The following PHF21A variants were observed in gnomAD, a reference collection of about 807,000 sequenced individuals.
PHF21A encodes the protein PHD finger protein 21A.
In PHF21A, 11 loss-of-function variants were observed where a neutral mutation model predicts 82.5. The observed-to-expected ratio is 0.13, with a 90% CI of 0.08 to 0.22. The LOEUF is 0.22. Ranked by LOEUF, PHF21A falls within the 10% of genes least tolerant of loss-of-function variation. PHF21A has a pLI of 1.00. For missense variants in PHF21A, 579 were observed against 837.8 expected, an observed-to-expected ratio of 0.69 and a Z score of 3.81; for synonymous variants, 297 against 302.8, an observed-to-expected ratio of 0.98 and a Z score of 0.20.
intron 6 of PHF21A, among the ~76,000 whole-genome samples, chr11:46,031,167 C>T (rs2095860210): frequency 6.6e-6 from 1 of 152,116 alleles, no homozygotes. Flanking sequence ...TACCTTGTGG[C>T]CCAGTTCCCA....
intron 6 of PHF21A, among the ~76,000 whole-genome samples, chr11:45,993,018 A>C (rs2094772243): frequency 6.6e-6 from 1 of 152,230 alleles, no homozygotes; most frequent in Non-Finnish European, 1.5e-5. Flanking sequence ...CTATCTAGGG[A>C]ATTACAGTAA....
chr11:45,948,836 C>T (rs1293441914), intron 14 of PHF21A, 50 bp downstream of exon 14: 1 of 1,384,070 alleles, frequency 7.2e-7, no homozygotes, highest in East Asian at 2.3e-5. Flanking sequence ...GAAACACACA[C>T]ACAAAGCAAA....
intron 12 of PHF21A, 38 bp downstream of exon 12, chr11:45,950,168 C>A (rs900939619): frequency 1.2e-5 from 18 of 1,487,844 alleles, no homozygotes; most frequent in Non-Finnish European, 1.6e-5. Context: ...AAGCTGTGGG[C>A]CAGAAAAAAA....
At chr11:46,097,514 G>A (rs1312129234) in intron 1 of PHF21A, among the ~76,000 whole-genome samples, 1 of 152,120 alleles carries the variant, frequency 6.6e-6, no homozygotes, top group Non-Finnish European at 1.5e-5. Flanking sequence ...GCAGTTTCAG[G>A]AGCAAAAGAA....
intron 1 of PHF21A, among the ~76,000 whole-genome samples, chr11:46,104,595 G>GA (rs947325784): frequency 7.3e-5 from 11 of 151,722 alleles, no homozygotes; most frequent in African/African-American, 1.9e-4. Flanking sequence ...TTTCAAGGGA[G>GA]AAAAAAAACC....
chr11:46,065,899 G>T (rs2096588230), intron 6 of PHF21A, among the ~76,000 whole-genome samples: 1 of 152,226 alleles, frequency 6.6e-6, no homozygotes, highest in Non-Finnish European at 1.5e-5. Flanking sequence ...AAGTCACAGA[G>T]CAAGGAGCTA....
intron 1 of PHF21A, among the ~76,000 whole-genome samples, chr11:46,101,664 G>C (rs1321686898): frequency 6.6e-6 from 1 of 152,036 alleles, no homozygotes; most frequent in Non-Finnish European, 1.5e-5. Flanking sequence ...ACAGTGTCTC[G>C]CTTTGTTGCC....
chr11:46,033,814 A>G (rs950475037), intron 6 of PHF21A, among the ~76,000 whole-genome samples: 1 of 152,202 alleles, frequency 6.6e-6, no homozygotes, highest in Admixed American at 6.5e-5. Context: ...GGCTGCTAGA[A>G]ATCTTTTAAT....
At chr11:46,050,780 A>G (rs541266934) in intron 6 of PHF21A, among the ~76,000 whole-genome samples, 2 of 152,342 alleles carry the variant, frequency 1.3e-5, no homozygotes, top group Admixed American at 1.3e-4. Flanking sequence ...ACATCAGCCT[A>G]TGTGGCTCTT....
At chr11:46,052,280 C>A (rs907273450) in intron 6 of PHF21A, among the ~76,000 whole-genome samples, 1 of 152,210 alleles carries the variant, frequency 6.6e-6, no homozygotes, top group Non-Finnish European at 1.5e-5. Flanking sequence ...TACAGGACAG[C>A]CTGTAAGCAA....
chr11:46,035,683 T>C (rs1303479151), intron 6 of PHF21A, among the ~76,000 whole-genome samples: 1 of 152,142 alleles, frequency 6.6e-6, no homozygotes, highest in Non-Finnish European at 1.5e-5. Context: ...AGTTTTACAC[T>C]GAGACTTGAA....
At chr11:46,017,724 C>T (rs1349439056) in intron 6 of PHF21A, among the ~76,000 whole-genome samples, 1 of 151,986 alleles carries the variant, frequency 6.6e-6, no homozygotes, top group Non-Finnish European at 1.5e-5. Context: ...TGATTTTGTC[C>T]CTAAAAACTG....
intron 3 of PHF21A, among the ~76,000 whole-genome samples, chr11:46,085,964 T>A (rs532932922): frequency 1.3e-5 from 2 of 151,958 alleles, no homozygotes; most frequent in South Asian, 4.2e-4. Flanking sequence ...AAGTGCAAAA[T>A]TCCTTTAAAT....
intron 16 of PHF21A, 60 bp from the exon 17 acceptor site, chr11:45,936,629 A>G: frequency 9.2e-7 from 1 of 1,086,692 alleles, no homozygotes; most frequent in Non-Finnish European, 1.4e-6. Flanking sequence ...TCCTCTATGT[A>G]ACAGCTAGCA....
rs186082692 is a variant in PHF21A, at chr11:46,099,560, A to C, written c.-236-7337T>G. ...CACACACACACACACACACACACAC[A>C]CACCCTAAACACAAACACAAACACA... is the stretch of plus-strand genomic sequence containing the variant. On this transcript the variant is annotated intron_variant, in intron 1 of 18. Transcript: ENST00000676320. Among the ~76,000 whole-genome samples the C allele has an allele frequency of 1.3e-3, 184 of 146,054 alleles. 1 individual carries two copies. Among genetic ancestry groups the C allele is most frequent in the African/African-American group, 3.8e-3 (152 of 40,386 alleles).
intron 6 of PHF21A, among the ~76,000 whole-genome samples, chr11:46,075,967 G>C (rs1427889027): frequency 6.6e-6 from 1 of 152,132 alleles, no homozygotes. Context: ...TTATTCTTTT[G>C]ATTAATATAT....
chr11:46,042,543 T>G (rs1478826657), intron 6 of PHF21A, among the ~76,000 whole-genome samples: 1 of 152,134 alleles, frequency 6.6e-6, no homozygotes, highest in African/African-American at 2.4e-5. Flanking sequence ...GCATGTCTCC[T>G]AAACAAGCAA....
intron 6 of PHF21A, among the ~76,000 whole-genome samples, chr11:46,062,449 CT>C (rs200196294): frequency 0.015 from 2,198 of 151,338 alleles, 47 homozygotes; most frequent in African/African-American, 0.05. Flanking sequence ...GTTTTCCAAC[CT>C]TTTTTTTTAA....
At chr11:45,938,337 GAA>G in intron 15 of PHF21A, 25 bp from the exon 16 acceptor site, 1 of 1,587,940 alleles carries the variant, frequency 6.3e-7, no homozygotes, top group Non-Finnish European at 8.6e-7. Context: ...GGAAAGGTAA[GAA>G]AAAGGACAAA....
Sources: allele counts gnomAD v4.1 joint callset (sites outside exome capture counted in the v4.1 genomes callset), GRCh38; gene constraint gnomAD v4.1.1; transcripts MANE v1.5; gene names NCBI Gene and HGNC (gene_info 2026-07-23, HGNC 2026-07-21).